MLEC: variants seen among roughly 807,000 people sequenced by gnomAD.
MLEC encodes the protein malectin.
A neutral mutation model predicts 28.7 loss-of-function variants in MLEC; 7 were observed. The ratio of observed to expected loss-of-function variants is 0.24; its 90% CI spans 0.14 to 0.46. MLEC has a LOEUF of 0.46. Ranked by LOEUF, MLEC falls within the 20% of genes least tolerant of loss-of-function variation. MLEC has a pLI of 0.99. For missense variants in MLEC, 237 were observed against 391.1 expected, an observed-to-expected ratio of 0.61 and a Z score of 3.32; for synonymous variants, 142 against 164.4, an observed-to-expected ratio of 0.86 and a Z score of 1.04.
rs1193586300 is a variant in MLEC, at chr12:120,687,190, C to T, written c.-107C>T. The T allele has an allele frequency of 4.1e-6, 5 of 1,211,320 alleles. No homozygotes were observed. Among genetic ancestry groups the T allele is most frequent in the Admixed American group, 4.3e-5 (1 of 23,502 alleles). The allele number at this position is 1,211,320 out of a possible 1,614,324, so 75.0% of individuals were successfully genotyped here. A position where few individuals can be genotyped will look rare whatever the true frequency, so the allele number is the denominator to read the frequency against. ...AGGCCTGAGAGCGACATGTCCCCGGCGGCTCAGGCGGAGCGGCCCGTGGCG... is the reference window on the plus strand; with the variant it reads ...AGGCCTGAGAGCGACATGTCCCCGGTGGCTCAGGCGGAGCGGCCCGTGGCG... On this transcript the variant is annotated 5_prime_UTR_variant, in exon 1 of 5. Coordinates refer to ENST00000228506, the MANE Select transcript of MLEC (RefSeq NM_014730.4). The surrounding 1 kb of genome is among the most constrained non-coding windows in gnomAD (Gnocchi z 8.1).
Position 120,700,547 on chromosome 12 carries a change from G to T in MLEC, c.*4002G>T, listed in dbSNP as rs560736. On this transcript the variant is annotated 3_prime_UTR_variant, in exon 5 of 5. Transcript: ENST00000228506. This position sits in a 1 kb window ranked among gnomAD's most constrained non-coding sequence, Gnocchi z 4.0. Reference sequence around the variant, plus strand: ...GAGGCAAGGCAAAGTGATAGTACACGGAAGCAGAACCGGAAACACCCAGGA... The same window carrying T: ...GAGGCAAGGCAAAGTGATAGTACACTGAAGCAGAACCGGAAACACCCAGGA... 149,904 of 152,240 alleles carry T rather than the reference G, an allele frequency of 0.98. 73,807 individuals carry two copies. The highest frequency in any genetic ancestry group is 1 in the East Asian group (5,173 of 5,174). The allele number at this position is 152,240 out of a possible 1,614,324, so 9.4% of individuals were successfully genotyped here.
At position 120,698,481 on chromosome 12, in the gene MLEC, G is replaced by C. The variant is rs1366828274; in HGVS notation, c.*1936G>C. 2.0e-5 allele frequency: 3 copies of C among 152,244 alleles called. No homozygotes were observed. Among genetic ancestry groups the C allele is most frequent in the Non-Finnish European group, 1.5e-5 (1 of 68,070 alleles). The allele number at this position is 152,244 out of a possible 1,614,324, so 9.4% of individuals were successfully genotyped here. On this transcript the variant is annotated 3_prime_UTR_variant, in exon 5 of 5. Transcript: ENST00000228506. Reference sequence around the variant, plus strand: ...TTCACACAGCTCCCCTGCTTCTAAAGGATAAGGTACTGTAGCCTTGGTCCT... The same window carrying C: ...TTCACACAGCTCCCCTGCTTCTAAACGATAAGGTACTGTAGCCTTGGTCCT...
At chr12:120,690,897 T>A (rs1882013663) in intron 1 of MLEC, among the ~76,000 whole-genome samples, 1 of 152,206 alleles carries the variant, frequency 6.6e-6, no homozygotes, top group African/African-American at 2.4e-5. Context: ...GCCTTCCAAA[T>A]AGTGGAAGTT....
In MLEC at chr12:120,700,071, TA is replaced by T. The variant is rs1882389816; in HGVS notation, c.*3530del. The T allele has an allele frequency of 6.6e-6, 1 of 152,662 alleles. No individual in the cohort carries two copies. 9.5% of individuals were successfully genotyped at this position (152,662 alleles called of 1,614,324 possible). A position where few individuals can be genotyped will look rare whatever the true frequency, so the allele number is the denominator to read the frequency against. Reference sequence around the variant, plus strand: ...AGCAGTATTTTCCTTTTCCTAGTGCTAAAATCCCTTTCCCTAGAAATTGGCT... The same window carrying T: ...AGCAGTATTTTCCTTTTCCTAGTGCTAAATCCCTTTCCCTAGAAATTGGCT... On this transcript the variant is annotated 3_prime_UTR_variant, in exon 5 of 5. Transcript: ENST00000228506. The surrounding 1 kb of genome is among the most constrained non-coding windows in gnomAD (Gnocchi z 4.0).
rs1374256917 is a variant in MLEC at position 120,696,458 on chromosome 12, T to C, written c.792T>C (p.Tyr264=). The stretch of plus-strand genomic sequence containing the variant: ...CAGGCCCCCGCACACCCAACCCCTA[T>C]GCCTCGGACAACAGCAGCCTCATGT... The part of the protein sequence containing the change: ...VQSGPRTPNP[Y]ASDNSSLMFP... The change falls in exon 5 of 5, where the codon TAT becomes TAC. Residue 264 remains tyrosine (Y), a synonymous_variant. Coordinates refer to ENST00000228506, the MANE Select transcript of MLEC (RefSeq NM_014730.4). This position sits in a 1 kb window ranked among gnomAD's most constrained non-coding sequence, Gnocchi z 5.4. 1 of 1,614,066 alleles carries C rather than the reference T, an allele frequency of 6.2e-7. No individual in the cohort carries two copies. Among genetic ancestry groups the C allele is most frequent in the Non-Finnish European group, 8.5e-7 (1 of 1,180,020 alleles).
At position 120,694,218 on chromosome 12, in the gene MLEC, C is replaced by T. The variant is rs149668192; in HGVS notation, c.363C>T (p.Tyr121=). Residue 121 remains tyrosine (Y), a synonymous_variant, in exon 2 of 5, where the codon TAC becomes TAT. Transcript: ENST00000228506. This position sits in a 1 kb window ranked among gnomAD's most constrained non-coding sequence, Gnocchi z 4.5. Reference sequence around the variant, plus strand: ...TGCCCATCAAAGAGGAGGGGGACTACGTGCTGGTCTTGAAATTTGCAGAGG... The same window carrying T: ...TGCCCATCAAAGAGGAGGGGGACTATGTGCTGGTCTTGAAATTTGCAGAGG... The part of the protein sequence containing the change: ...YEVPIKEEGD[Y]VLVLKFAEVY... 2.0e-5 allele frequency: 32 copies of T among 1,614,160 alleles called. No individual in the cohort carries two copies. The highest frequency in any genetic ancestry group is 1.9e-4 in the African/African-American group (14 of 75,034).
rs924996320 is a variant in MLEC at position 120,688,435 on chromosome 12, G to A, written c.235+904G>A. Among the ~76,000 whole-genome samples the A allele has an allele frequency of 4.6e-5, 7 of 152,308 alleles. No homozygotes were observed. In the East Asian group the frequency reaches 1.4e-3, roughly 29 times the overall value. ...GGTTTCTGCACCAGGGGCTTGTGAT[G>A]TAGGTTGCCCCGAGACCACCGTTTT... On this transcript the variant is annotated intron_variant, in intron 1 of 4. Transcript: ENST00000228506.
chr12:120,695,125 C>G lies in MLEC; in HGVS notation c.622C>G (p.Leu208Val). The change falls in exon 4 of 5, where the codon CTC (leucine) becomes GTC (valine). Residue 208 changes from leucine (L) to valine (V), a missense_variant. Leu to Val is a conservative substitution (Grantham distance 32). Coordinates refer to ENST00000228506, the MANE Select transcript of MLEC (RefSeq NM_014730.4). Reference protein sequence around the residue: ...GYYDNPKVCALYIMAGTVDDV... With the variant: ...GYYDNPKVCAVYIMAGTVDDV... ...CTATGACAATCCCAAGGTCTGTGCA[C>G]TCTACATCATGGCTGGGACAGTGGA... The G allele has an allele frequency of 6.2e-7, 1 of 1,614,200 alleles. No homozygotes were observed. The highest frequency in any genetic ancestry group is 2.2e-5 in the East Asian group (1 of 44,886).
chr12:120,693,185 A>G (rs1388546836), intron 1 of MLEC, among the ~76,000 whole-genome samples: 1 of 152,212 alleles, frequency 6.6e-6, no homozygotes, highest in African/African-American at 2.4e-5. Context: ...TGAAATGTGA[A>G]AGGTGATTCC....
chr12:120,699,279 G>C lies in MLEC; in HGVS notation c.*2734G>C, dbSNP rs1322608022. On this transcript the variant is annotated 3_prime_UTR_variant, in exon 5 of 5. Coordinates refer to ENST00000228506, the MANE Select transcript of MLEC (RefSeq NM_014730.4). ...AGGGAATGTATGGGAGATGGTGAGG[G>C]GTGCCAGTGAGGGGTGCGTGGAGGA... 1 of 152,734 alleles carries C rather than the reference G, an allele frequency of 6.5e-6. No homozygotes were observed. The highest frequency in any genetic ancestry group is 1.5e-5 in the Non-Finnish European group (1 of 68,140). 9.5% of individuals were successfully genotyped at this position (152,734 alleles called of 1,614,324 possible).
rs114163903 is a variant in MLEC at position 120,698,992 on chromosome 12, A to G, written c.*2447A>G. ...GGTAGACTCCCCTGGAGCCAAGCCT[A>G]TCCAGCTAACAAGAGCTCCCTGGGG... On this transcript the variant is annotated 3_prime_UTR_variant, in exon 5 of 5. Transcript: ENST00000228506. 9.2e-5 allele frequency: 14 copies of G among 152,718 alleles called. No individual in the cohort carries two copies. Among genetic ancestry groups the G allele is most frequent in the African/African-American group, 3.4e-4 (14 of 41,538 alleles). The allele number at this position is 152,718 out of a possible 1,614,324, so 9.5% of individuals were successfully genotyped here.
At position 120,687,458 on chromosome 12, in the gene MLEC, G is replaced by A; in HGVS notation, c.162G>A (p.Ala54=). The A allele has an allele frequency of 1.4e-6, 2 of 1,416,842 alleles. No individual in the cohort carries two copies. Among genetic ancestry groups the A allele is most frequent in the Non-Finnish European group, 1.8e-6 (2 of 1,083,172 alleles). The allele number at this position is 1,416,842 out of a possible 1,614,324, so 87.8% of individuals were successfully genotyped here. The change falls in exon 1 of 5, where the codon GCG becomes GCA. Residue 54 remains alanine (A), a synonymous_variant. Transcript: ENST00000228506. The surrounding 1 kb of genome is among the most constrained non-coding windows in gnomAD (Gnocchi z 8.1). ...LPESVIWAVN[A]GGEAHVDVHG... ...AGAGCGTCATTTGGGCGGTCAACGCGGGTGGAGAGGCGCATGTGGACGTGC... is the reference window on the plus strand; with the variant it reads ...AGAGCGTCATTTGGGCGGTCAACGCAGGTGGAGAGGCGCATGTGGACGTGC...
At chr12:120,690,412 A>C (rs1415774472) in intron 1 of MLEC, among the ~76,000 whole-genome samples, 2 of 152,206 alleles carry the variant, frequency 1.3e-5, no homozygotes, top group Non-Finnish European at 2.9e-5. Context: ...GCTTGAGTTT[A>C]GGGAAGGCTA....
chr12:120,696,303 T>C lies in MLEC; in HGVS notation c.650-13T>C. 1 of 1,613,656 alleles carries C rather than the reference T, an allele frequency of 6.2e-7. No individual in the cohort carries two copies. Among genetic ancestry groups the C allele is most frequent in the Non-Finnish European group, 8.5e-7 (1 of 1,179,872 alleles). On this transcript the variant is annotated splice_polypyrimidine_tract_variant and intron_variant, in intron 4 of 4. Coordinates refer to ENST00000228506, the MANE Select transcript of MLEC (RefSeq NM_014730.4). The surrounding 1 kb of genome is among the most constrained non-coding windows in gnomAD (Gnocchi z 5.4). ...TGCTGTGGGTCTTAACAGTGTTTTC[T>C]TCCTTGTGTTAGATGTACCAAAGCT...
chr12:120,693,463 G>A (rs895526094), intron 1 of MLEC, among the ~76,000 whole-genome samples: 2 of 152,198 alleles, frequency 1.3e-5, no homozygotes, highest in African/African-American at 4.8e-5. Context: ...TGGGAAGGAA[G>A]GAAATTAGCA....
Position 120,696,185 on chromosome 12 carries a change from C to A in MLEC, c.650-131C>A. On this transcript the variant is annotated intron_variant, in intron 4 of 4. Transcript: ENST00000228506. This position sits in a 1 kb window ranked among gnomAD's most constrained non-coding sequence, Gnocchi z 5.4. ...TTCTGTAGACCAGAGGCTATTTCTGCTACTTCTGGTCTTTTCTCTGGACCC... is the reference window on the plus strand; with the variant it reads ...TTCTGTAGACCAGAGGCTATTTCTGATACTTCTGGTCTTTTCTCTGGACCC... 8.8e-7 allele frequency: 1 copy of A among 1,133,422 alleles called. No homozygotes were observed. Among genetic ancestry groups the A allele is most frequent in the Non-Finnish European group, 1.3e-6 (1 of 791,022 alleles). 70.2% of individuals were successfully genotyped at this position (1,133,422 alleles called of 1,614,324 possible).
chr12:120,694,133 C>A lies in MLEC; in HGVS notation c.278C>A (p.Pro93His), dbSNP rs746725740. ...AAACTGCCAATCCTGCGTTCCAACC[C>A]TGAGGACCAGATCCTGTATCAAACT... ...GMKLPILRSN[P>H]EDQILYQTER... The change falls in exon 2 of 5, where the codon CCT (proline) becomes CAT (histidine). Residue 93 changes from proline (P) to histidine (H), a missense_variant. Pro to His is a moderately conservative substitution (Grantham distance 77). Transcript: ENST00000228506. The surrounding 1 kb of genome is among the most constrained non-coding windows in gnomAD (Gnocchi z 4.5). 5 of 1,614,170 alleles carry A rather than the reference C, an allele frequency of 3.1e-6. No individual in the cohort carries two copies. The highest frequency in any genetic ancestry group is 4.2e-6 in the Non-Finnish European group (5 of 1,180,020).
chr12:120,694,716 CTTAAA>C lies in MLEC; in HGVS notation c.415-104_415-100del. On this transcript the variant is annotated intron_variant, in intron 2 of 4. Coordinates refer to ENST00000228506, the MANE Select transcript of MLEC (RefSeq NM_014730.4). The surrounding 1 kb of genome is among the most constrained non-coding windows in gnomAD (Gnocchi z 4.5). The stretch of plus-strand genomic sequence containing the variant: ...CCCTGGATATCCAGACCCATCATTT[CTTAAA>C]TTATTTTTGAACTTCAAGCCCAAAC... 2.7e-6 allele frequency: 3 copies of C among 1,115,578 alleles called. No homozygotes were observed. Among genetic ancestry groups the C allele is most frequent in the Non-Finnish European group, 2.6e-6 (2 of 770,618 alleles). 69.1% of individuals were successfully genotyped at this position (1,115,578 alleles called of 1,614,324 possible).
rs1276474843 is a variant in MLEC, at chr12:120,699,695, G to C, written c.*3150G>C. On this transcript the variant is annotated 3_prime_UTR_variant, in exon 5 of 5. Transcript: ENST00000228506. ...ATGACTGGGAAGATAGTTTTCTTCA[G>C]GTGTCAATGGCGTTAGACTCCCAGG... is the stretch of plus-strand genomic sequence containing the variant. 6.6e-6 allele frequency: 1 copy of C among 152,340 alleles called. No individual in the cohort carries two copies. Among genetic ancestry groups the C allele is most frequent in the Non-Finnish European group, 1.5e-5 (1 of 68,046 alleles). The allele number at this position is 152,340 out of a possible 1,614,324, so 9.4% of individuals were successfully genotyped here.
Sources: allele counts gnomAD v4.1 joint callset (sites outside exome capture counted in the v4.1 genomes callset), GRCh38; gene constraint gnomAD v4.1.1; non-coding constraint Gnocchi (gnomAD v3.1); transcripts MANE v1.5; gene names NCBI Gene and HGNC (gene_info 2026-07-23, HGNC 2026-07-21).